The following CSMD1 variants were observed in gnomAD, a reference collection of about 807,000 sequenced individuals.
The protein encoded by CSMD1 is CUB and Sushi multiple domains 1.
In CSMD1, 213 loss-of-function variants were observed where a neutral mutation model predicts 417.5. The ratio of observed to expected loss-of-function variants is 0.51; its 90% CI spans 0.46 to 0.57. CSMD1 has a LOEUF of 0.57. Ranked by LOEUF, CSMD1 falls within the 20% of genes least tolerant of loss-of-function variation. The pLI is 0.00. For missense variants in CSMD1, 6,923 were observed against 4,529.7 expected, an observed-to-expected ratio of 1.53 and a Z score of -15.17; for synonymous variants, 2,862 against 1,736.8, an observed-to-expected ratio of 1.65 and a Z score of -16.11.
chr8:3,211,456 C>G (rs908653647), intron 30 of CSMD1, among the ~76,000 whole-genome samples: 1 of 152,132 alleles, frequency 6.6e-6, no homozygotes, highest in Admixed American at 6.5e-5. Context: ...GTTGCATGCT[C>G]AATAGTTATA....
At chr8:4,491,935 TTATTCA>T (rs1280289772) in intron 2 of CSMD1, among the ~76,000 whole-genome samples, 1 of 152,114 alleles carries the variant, frequency 6.6e-6, no homozygotes, top group African/African-American at 2.4e-5. Flanking sequence ...TATAGCAGCT[TTATTCA>T]TAATTGCCAA....
At chr8:4,281,554 G>C (rs1474783523) in intron 3 of CSMD1, among the ~76,000 whole-genome samples, 1 of 152,142 alleles carries the variant, frequency 6.6e-6, no homozygotes, top group East Asian at 1.9e-4. Context: ...AAAATGTTGT[G>C]ACAAATGAGA....
At chr8:4,823,601 C>G (rs924339914) in intron 1 of CSMD1, among the ~76,000 whole-genome samples, 3 of 151,932 alleles carry the variant, frequency 2.0e-5, no homozygotes, top group African/African-American at 2.4e-5. Context: ...CATTTGCCCA[C>G]TCAAACATAC....
Position 3,668,684 on chromosome 8 carries a change from C to A in CSMD1, c.1009+39730G>T, listed in dbSNP as rs888064105. 4.7e-4 allele frequency among the ~76,000 whole-genome samples: 72 copies of A among 152,128 alleles called. 1 individual carries two copies. Among genetic ancestry groups the A allele is most frequent in the African/African-American group, 1.7e-3 (70 of 41,516 alleles). On this transcript the variant is annotated intron_variant, in intron 7 of 69. Transcript: ENST00000635120. The stretch of plus-strand genomic sequence containing the variant: ...CAGTCTGAGGTGTCCAGAGATCAAC[C>A]AGGAGTCGAAGTCTAGACACAGAGA...
At chr8:2,964,829 A>G (rs1432028005) in intron 59 of CSMD1, among the ~76,000 whole-genome samples, 1 of 152,166 alleles carries the variant, frequency 6.6e-6, no homozygotes, top group African/African-American at 2.4e-5. Context: ...AGAGAAAGCC[A>G]TATTTTTGAG....
At chr8:3,543,446 GGA>G (rs1357199438) in intron 10 of CSMD1, among the ~76,000 whole-genome samples, 1 of 152,138 alleles carries the variant, frequency 6.6e-6, no homozygotes, top group East Asian at 1.9e-4. Flanking sequence ...AAATGAGTTA[GGA>G]GAGATTTGCA....
intron 1 of CSMD1, among the ~76,000 whole-genome samples, chr8:4,675,542 G>C (rs748696175): frequency 6.6e-6 from 1 of 152,138 alleles, no homozygotes. Context: ...TCTGAGAATG[G>C]TTTGATATTT....
chr8:3,773,368 C>T (rs560524646), intron 5 of CSMD1, among the ~76,000 whole-genome samples: 1 of 152,228 alleles, frequency 6.6e-6, no homozygotes, highest in South Asian at 2.1e-4. Flanking sequence ...ACTGTAGCCT[C>T]GACTACAGTG....
chr8:4,315,274 C>G (rs1411323439), intron 3 of CSMD1, among the ~76,000 whole-genome samples: 2 of 152,176 alleles, frequency 1.3e-5, no homozygotes, highest in African/African-American at 2.4e-5. Context: ...TTTATGAAAA[C>G]TGAGACAGTA....
intron 26 of CSMD1, among the ~76,000 whole-genome samples, chr8:3,240,583 T>G (rs1338378118): frequency 6.6e-6 from 1 of 151,904 alleles, no homozygotes; most frequent in Non-Finnish European, 1.5e-5. Context: ...TGTGAAGCTT[T>G]GCGGCAGTAC....
chr8:3,544,008 C>G (rs897828958), intron 10 of CSMD1, among the ~76,000 whole-genome samples: 3 of 152,008 alleles, frequency 2.0e-5, no homozygotes, highest in South Asian at 2.1e-4. Flanking sequence ...GAAGCAGAGT[C>G]TAAGTAGGTA....
chr8:4,313,288 G>A (rs927631469), intron 3 of CSMD1, among the ~76,000 whole-genome samples: 13 of 152,068 alleles, frequency 8.5e-5, no homozygotes, highest in Admixed American at 2.0e-4. Context: ...AAGAGAATGC[G>A]AAGAATCTGG....
At chr8:4,878,887 C>A (rs1942388341) in intron 1 of CSMD1, among the ~76,000 whole-genome samples, 1 of 150,610 alleles carries the variant, frequency 6.6e-6, no homozygotes, top group Non-Finnish European at 1.5e-5. Flanking sequence ...ACACAAAAAG[C>A]TGATGATGCT....
intron 28 of CSMD1, among the ~76,000 whole-genome samples, chr8:3,221,031 GGTTT>G (rs58956759): frequency 1.3e-5 from 2 of 151,592 alleles, no homozygotes; most frequent in African/African-American, 2.4e-5. Flanking sequence ...TTTGCTTGTT[GGTTT>G]GTTTGTTTGT....
At chr8:3,960,798 C>G (rs1024905820) in intron 5 of CSMD1, among the ~76,000 whole-genome samples, 2 of 151,706 alleles carry the variant, frequency 1.3e-5, no homozygotes, top group Non-Finnish European at 2.9e-5. Context: ...TGGAAAATTA[C>G]AATTTATTAT....
chr8:3,015,280 T>A (rs1487453933), intron 52 of CSMD1, among the ~76,000 whole-genome samples: 1 of 152,154 alleles, frequency 6.6e-6, no homozygotes, highest in East Asian at 1.9e-4. Context: ...TGCATTCTCT[T>A]CAACATGTCC....
At chr8:3,466,917 T>A (rs1443811568) in intron 12 of CSMD1, among the ~76,000 whole-genome samples, 1 of 152,174 alleles carries the variant, frequency 6.6e-6, no homozygotes. Flanking sequence ...TTTTTTAAAA[T>A]CCTCAAATGT....
At chr8:3,976,596 T>A (rs1200579616) in intron 5 of CSMD1, among the ~76,000 whole-genome samples, 3 of 152,202 alleles carry the variant, frequency 2.0e-5, no homozygotes, top group African/African-American at 7.2e-5. Flanking sequence ...AGGCAAGATT[T>A]GCATAAGCAT....
intron 5 of CSMD1, among the ~76,000 whole-genome samples, chr8:3,931,038 T>G (rs1810101946): frequency 6.6e-6 from 1 of 150,556 alleles, no homozygotes; most frequent in South Asian, 2.1e-4. Flanking sequence ...AGGGAAAATC[T>G]TAACTGCGGT....
Sources: allele counts gnomAD v4.1 joint callset (sites outside exome capture counted in the v4.1 genomes callset), GRCh38; gene constraint gnomAD v4.1.1; transcripts MANE v1.5; gene names NCBI Gene and HGNC (gene_info 2026-07-23, HGNC 2026-07-21).